Variants in NAV3 observed in about 807,000 individuals in gnomAD.
NAV3 encodes the protein neuron navigator 3, also known as pore membrane and/or filament interacting like protein 1.
In NAV3, 87 loss-of-function variants were observed where a neutral mutation model predicts 244.7. The ratio of observed to expected loss-of-function variants is 0.36; its 90% CI spans 0.30 to 0.42. The LOEUF (loss-of-function observed/expected upper bound fraction) is 0.42. Among genes scored for constraint, NAV3 ranks in the 20% least tolerant of loss-of-function variants. The pLI, the probability that NAV3 is intolerant of heterozygous loss-of-function variation, is 1.00. For synonymous variants in NAV3, 1,126 were observed against 1,042.2 expected (o/e 1.08, Z -1.55); for missense variants, 2,663 against 2,893.3 (o/e 0.92, Z 1.83).
At chr12:77,996,815 T>C (rs1872420983) in intron 6 of NAV3, among the ~76,000 whole-genome samples, 1 of 152,210 alleles carries the variant, frequency 6.6e-6, no homozygotes, top group African/African-American at 2.4e-5. Context: ...AGTGCTATAT[T>C]TGTAGATTTT....
intron 2 of NAV3, among the ~76,000 whole-genome samples, chr12:77,776,057 G>A (rs2135895410): frequency 6.6e-6 from 1 of 152,278 alleles, no homozygotes; most frequent in African/African-American, 2.4e-5. Flanking sequence ...GCCAAGAATT[G>A]TTAAGTATTG....
chr12:78,186,804 C>G (rs1958741278), intron 31 of NAV3, among the ~76,000 whole-genome samples: 2 of 151,820 alleles, frequency 1.3e-5, no homozygotes, highest in South Asian at 4.2e-4. Context: ...TGGAGGCTAG[C>G]CAGTCTAAGA....
intron 1 of NAV3, among the ~76,000 whole-genome samples, chr12:77,870,849 A>C (rs1203502054): frequency 6.6e-6 from 1 of 152,228 alleles, no homozygotes; most frequent in Non-Finnish European, 1.5e-5. Context: ...CATCATCCAC[A>C]ACGTAGAAGC....
intron 12 of NAV3, among the ~76,000 whole-genome samples, chr12:78,089,693 TC>T (rs1332585367): frequency 1.3e-5 from 2 of 152,252 alleles, no homozygotes; most frequent in Non-Finnish European, 2.9e-5. Context: ...ACTAGTTGAT[TC>T]CCCTCTGCCT....
intron 2 of NAV3, among the ~76,000 whole-genome samples, chr12:77,770,883 C>A (rs1205591539): frequency 6.6e-6 from 1 of 152,092 alleles, no homozygotes; most frequent in Non-Finnish European, 1.5e-5. Context: ...ACACCAAAAG[C>A]AATGGCAACA....
intron 39 of NAV3, among the ~76,000 whole-genome samples, chr12:78,205,733 G>GA (rs898188959): frequency 2.5e-4 from 37 of 151,004 alleles, no homozygotes; most frequent in Admixed American, 9.2e-4. Context: ...GTATTATTAG[G>GA]AAAAAAAACA....
In NAV3 at chr12:77,786,859, C is replaced by T. The variant is rs868067797; in HGVS notation, c.73-153460C>T. ...TTGTTCTTCAACAGGATGTCCTGAC[C>T]TTTAGTCTCGATGTACCTCATCCCC... On this transcript the variant is annotated intron_variant, in intron 2 of 8. Transcript: ENST00000550042. 2.0e-5 allele frequency among the ~76,000 whole-genome samples: 3 copies of T among 152,172 alleles called. No homozygotes were observed. The South Asian group carries it at 6.2e-4, about 32-fold the overall frequency.
At chr12:77,768,290 G>A (rs1248143700) in intron 2 of NAV3, among the ~76,000 whole-genome samples, 3 of 152,224 alleles carry the variant, frequency 2.0e-5, no homozygotes, top group Non-Finnish European at 2.9e-5. Context: ...GCTTCAGGCT[G>A]TCCCTGGCTT....
At chr12:77,600,034 AC>A (rs767542565) in intron 2 of NAV3, among the ~76,000 whole-genome samples, 2 of 152,000 alleles carry the variant, frequency 1.3e-5, no homozygotes, top group Non-Finnish European at 2.9e-5. Context: ...GAAGAACTGC[AC>A]AACATCACAG....
At position 78,050,073 on chromosome 12, in the gene NAV3, A is replaced by G. The variant is rs1432065954; in HGVS notation, c.2104A>G (p.Ser702Gly). 2 of 1,612,524 alleles carry G rather than the reference A, an allele frequency of 1.2e-6. No individual in the cohort carries two copies. The highest frequency in any genetic ancestry group is 2.2e-5 in the East Asian group (1 of 44,784). ...LRQNLEETMS[S>G]LRGTQISHST... is the part of the protein sequence containing the mutation. ...GCAGAATTTAGAAGAGACTATGTCC[A>G]GTCTTCGTGGGACTCAGATAAGCCA... The change falls in exon 10 of 40, where the codon AGT becomes GGT. Residue 702 changes from serine (S) to glycine (G), a missense_variant. By Grantham distance (56) the Ser-to-Gly change is moderately conservative. Around this residue, in one of 6 missense-constraint regions of NAV3, gnomAD observed 1,521 missense variants for 1,497.0 expected, o/e 1.02. Coordinates refer to ENST00000397909, the MANE Select transcript of NAV3 (RefSeq NM_001024383.2).
In NAV3 at chr12:77,974,070, T is replaced by TA. The variant is rs142464489; in HGVS notation, c.671+5369dup. ...TGTGTGCACGTGCACACACTTTTGT[T>TA]ACGTTCTAACACTGGTGTTTCGGTT... is the stretch of plus-strand genomic sequence containing the variant. On this transcript the variant is annotated intron_variant, in intron 5 of 39. Coordinates refer to ENST00000397909, the MANE Select transcript of NAV3 (RefSeq NM_001024383.2). 3.7e-4 allele frequency among the ~76,000 whole-genome samples: 57 copies of TA among 152,110 alleles called. No homozygotes were observed. The East Asian group carries it at 9.7e-3, about 26-fold the overall frequency.
At chr12:77,844,350 T>C (rs1156946743) in intron 1 of NAV3, among the ~76,000 whole-genome samples, 3 of 152,182 alleles carry the variant, frequency 2.0e-5, no homozygotes, top group Non-Finnish European at 4.4e-5. Context: ...GAGGGCTCCA[T>C]CCTCATGACT....
At chr12:77,668,522 C>G (rs938074071) in intron 2 of NAV3, among the ~76,000 whole-genome samples, 2 of 151,904 alleles carry the variant, frequency 1.3e-5, no homozygotes, top group South Asian at 2.1e-4. Context: ...AATTGAACAA[C>G]AAGAAGAAAG....
chr12:78,022,536 A>T lies in NAV3; in HGVS notation c.2023+674A>T, dbSNP rs147258784. ...AGGGTGAGAGAGTACAGAGTACTTT[A>T]TCTGCTCCTAAGTATAATAATGCAT... is the stretch of plus-strand genomic sequence containing the variant. On this transcript the variant is annotated intron_variant, in intron 9 of 39. Coordinates refer to ENST00000397909, the MANE Select transcript of NAV3 (RefSeq NM_001024383.2). Among the ~76,000 whole-genome samples the T allele has an allele frequency of 8.4e-3, 1,283 of 152,232 alleles. 11 individuals are homozygous for T. Among genetic ancestry groups the T allele is most frequent in the African/African-American group, 0.03 (1,228 of 41,552 alleles).
intron 9 of NAV3, among the ~76,000 whole-genome samples, chr12:78,033,034 C>A (rs1264557399): frequency 6.6e-6 from 1 of 152,104 alleles, no homozygotes; most frequent in Non-Finnish European, 1.5e-5. Context: ...GGCTCAATAT[C>A]AATAAAGCTG....
At chr12:78,043,608 T>C (rs780068434) in intron 9 of NAV3, among the ~76,000 whole-genome samples, 8 of 152,206 alleles carry the variant, frequency 5.3e-5, no homozygotes, top group Non-Finnish European at 1.0e-4. Flanking sequence ...TTCTTGACTT[T>C]TTAATGATCG....
chr12:78,150,073 G>C (rs1297440333), intron 22 of NAV3, among the ~76,000 whole-genome samples: 1 of 151,900 alleles, frequency 6.6e-6, no homozygotes, highest in Admixed American at 6.6e-5. Flanking sequence ...AGAAAATAAG[G>C]GTATTATTTA....
In NAV3 at chr12:77,591,538, C is replaced by A. The variant is rs149566145; in HGVS notation, c.72+19272C>A. ...CTTGTAGTTGGAGAATAACTGATTT[C>A]TTGAGTCTATAGAACCAACCAATAC... On this transcript the variant is annotated intron_variant, in intron 2 of 8. Transcript: ENST00000550042. Among the ~76,000 whole-genome samples, 65 of 152,284 alleles carry A rather than the reference C, an allele frequency of 4.3e-4. 1 individual carries two copies. The highest frequency in any genetic ancestry group is 1.5e-3 in the African/African-American group (64 of 41,572).
chr12:78,015,751 T>A (rs960226081), intron 8 of NAV3, among the ~76,000 whole-genome samples: 4 of 152,108 alleles, frequency 2.6e-5, no homozygotes, highest in African/African-American at 9.7e-5. Context: ...CCCACAAGTT[T>A]TAGCATCCGT....
Sources: gnomAD v4.1 joint callset for allele counts (sites outside exome capture counted in the v4.1 genomes callset) on GRCh38, gnomAD v4.1.1 for gene constraint, gnomAD v4.1.1 regional missense constraint, MANE v1.5 for transcripts, NCBI Gene and HGNC (gene_info 2026-07-23, HGNC 2026-07-21) for gene names.